Variants in ALOX5 observed in about 807,000 individuals in gnomAD.
ALOX5 encodes the protein polyunsaturated fatty acid 5-lipoxygenase.
ALOX5 carries 64 observed loss-of-function variants against 87.9 expected under a neutral mutation model. The ratio of observed to expected loss-of-function variants is 0.73; its 90% CI spans 0.60 to 0.90. The LOEUF (loss-of-function observed/expected upper bound fraction) is 0.90, where lower values mean the gene tolerates loss of function less well. Ranked by LOEUF, ALOX5 falls within the 40% of genes least tolerant of loss-of-function variation. The pLI is 0.00. For synonymous variants in ALOX5, 388 were observed against 355.1 expected (o/e 1.09, Z -1.04); for missense variants, 822 against 907.5 (o/e 0.91, Z 1.21).
At position 45,395,878 on chromosome 10, in the gene ALOX5, A is replaced by G. The variant is rs1379515213; in HGVS notation, c.373A>G (p.Ile125Val). ...AGCAAAGTTGGCCCGAGATGACCAA[A>G]TTCACATTCTCAAGCAACACCGACG... ...GRAKLARDDQ[I>V]HILKQHRRKE... The change falls in exon 3 of 14, where the codon ATT (isoleucine) becomes GTT (valine). Residue 125 changes from isoleucine (I) to valine (V), a missense_variant. Ile to Val is a conservative substitution (Grantham distance 29). Transcript: ENST00000374391. 4 of 1,614,130 alleles carry G rather than the reference A, an allele frequency of 2.5e-6. No individual in the cohort carries two copies. In the African/African-American group the frequency reaches 4.0e-5, roughly 16 times the overall value.
chr10:45,440,721 T>TG, intron 8 of ALOX5, 88 bp downstream of exon 8: 1 of 1,414,702 alleles, frequency 7.1e-7, no homozygotes, highest in Non-Finnish European at 9.7e-7. Context: ...GGGGGACCTG[T>TG]GGCTGGGAGT....
Position 45,442,437 on chromosome 10 carries a change from C to T in ALOX5, c.1273-601C>T, listed in dbSNP as rs181322611. ...CAGCACCCAAGTCCTTCTTCAAAACCTCTGTGGCACCGACAGCCCAGCCCC... is the reference window on the plus strand; with the variant it reads ...CAGCACCCAAGTCCTTCTTCAAAACTTCTGTGGCACCGACAGCCCAGCCCC... On this transcript the variant is annotated intron_variant, in intron 9 of 13. Coordinates refer to ENST00000374391, the MANE Select transcript of ALOX5 (RefSeq NM_000698.5). 1.7e-3 allele frequency among the ~76,000 whole-genome samples: 253 copies of T among 152,360 alleles called. 1 individual carries two copies. The highest frequency in any genetic ancestry group is 5.4e-3 in the African/African-American group (223 of 41,588).
intron 1 of ALOX5, among the ~76,000 whole-genome samples, chr10:45,379,347 C>G (rs1031692903): frequency 6.6e-5 from 10 of 152,308 alleles, no homozygotes; most frequent in South Asian, 4.1e-4. Context: ...ACACTCAGAC[C>G]AGGCCCGGGC....
chr10:45,443,324 G>T, intron 10 of ALOX5, 92 bp from the exon 11 acceptor site: 1 of 1,584,498 alleles, frequency 6.3e-7, no homozygotes, highest in Non-Finnish European at 8.6e-7. Flanking sequence ...GGACGGGGTG[G>T]GGGAGTCCCA....
Position 45,415,886 on chromosome 10 carries a change from A to G in ALOX5, c.554+3573A>G, listed in dbSNP as rs540524761. Among the ~76,000 whole-genome samples the G allele has an allele frequency of 3.3e-5, 5 of 152,246 alleles. No homozygotes were observed. In the South Asian group the frequency reaches 1.0e-3, roughly 32 times the overall value. On this transcript the variant is annotated intron_variant, in intron 4 of 13. Coordinates refer to ENST00000374391, the MANE Select transcript of ALOX5 (RefSeq NM_000698.5). Reference sequence around the variant, plus strand: ...TGTAGCTATCTTCGTTTCTTGCATCACTCAGCTTTCAGCTTAATTTTTCCC... The same window carrying G: ...TGTAGCTATCTTCGTTTCTTGCATCGCTCAGCTTTCAGCTTAATTTTTCCC...
chr10:45,385,492 AG>A (rs1207798502), intron 2 of ALOX5, among the ~76,000 whole-genome samples: 1 of 152,228 alleles, frequency 6.6e-6, no homozygotes, highest in Non-Finnish European at 1.5e-5. Context: ...CTTCGGGACC[AG>A]GGGAGACAGA....
intron 3 of ALOX5, among the ~76,000 whole-genome samples, chr10:45,396,989 A>T (rs990063051): frequency 6.6e-6 from 1 of 152,254 alleles, no homozygotes; most frequent in Non-Finnish European, 1.5e-5. Context: ...TTCAATAGAC[A>T]TACAAAAAAG....
chr10:45,401,350 T>C (rs1840692505), intron 3 of ALOX5, among the ~76,000 whole-genome samples: 1 of 152,182 alleles, frequency 6.6e-6, no homozygotes, highest in Admixed American at 6.5e-5. Context: ...TCTGGGTTGT[T>C]TTTTTAACTC....
At chr10:45,407,414 A>G (rs1357910110) in intron 3 of ALOX5, among the ~76,000 whole-genome samples, 9 of 149,772 alleles carry the variant, frequency 6.0e-5, no homozygotes, top group Non-Finnish European at 8.9e-5. Context: ...CCCCCCACCT[A>G]GGACTTGTCA....
At chr10:45,424,013 G>A (rs372401060) in intron 4 of ALOX5, 28 bp from the exon 5 acceptor site, 40 of 1,573,706 alleles carry the variant, frequency 2.5e-5, no homozygotes, top group Middle Eastern at 1.7e-4. Flanking sequence ...GCTAGTGTGC[G>A]CAAGGTGACC....
intron 4 of ALOX5, among the ~76,000 whole-genome samples, chr10:45,419,998 G>A (rs1230172604): frequency 6.6e-6 from 1 of 152,152 alleles, no homozygotes; most frequent in Non-Finnish European, 1.5e-5. Context: ...TTGTATATGG[G>A]AAGAAGACCA....
In ALOX5 at chr10:45,444,305, G is replaced by A; in HGVS notation, c.1845+19G>A. 6.5e-7 allele frequency: 1 copy of A among 1,543,192 alleles called. No individual in the cohort carries two copies. Among genetic ancestry groups the A allele is most frequent in the Non-Finnish European group, 8.8e-7 (1 of 1,142,206 alleles). ...AAACGAGGTGAAGCTGGGCAGGGCG[G>A]GGCACAGCCCCAGGTCACCCCAGGT... On this transcript the variant is annotated intron_variant, in intron 13 of 13. Transcript: ENST00000374391.
At chr10:45,394,459 G>A (rs201689628) in intron 2 of ALOX5, among the ~76,000 whole-genome samples, 14 of 152,272 alleles carry the variant, frequency 9.2e-5, no homozygotes, top group South Asian at 4.2e-4. Flanking sequence ...TTAATTCAAG[G>A]TGGATTAAAG....
At chr10:45,443,645 G>T in intron 11 of ALOX5, 83 bp from the exon 12 acceptor site, 1 of 1,592,924 alleles carries the variant, frequency 6.3e-7, no homozygotes, top group Admixed American at 1.8e-5. Context: ...CGGCCTTGGG[G>T]CAGGGAATCC....
intron 7 of ALOX5, among the ~76,000 whole-genome samples, chr10:45,432,464 T>C (rs561217853): frequency 1.3e-5 from 2 of 151,958 alleles, no homozygotes; most frequent in Non-Finnish European, 1.5e-5. Flanking sequence ...ACAGAGAGAA[T>C]TGGGGGACAG....
intron 4 of ALOX5, among the ~76,000 whole-genome samples, chr10:45,417,528 A>C (rs1357421229): frequency 6.6e-6 from 1 of 152,066 alleles, no homozygotes; most frequent in Non-Finnish European, 1.5e-5. Context: ...ATCTCTCCTG[A>C]GTGAGGGCAG....
rs759965933 is a variant in ALOX5, at chr10:45,374,273, C to T, written c.-7C>T. 4 of 1,472,284 alleles carry T rather than the reference C, an allele frequency of 2.7e-6. No homozygotes were observed. Among genetic ancestry groups the T allele is most frequent in the South Asian group, 2.6e-5 (2 of 76,372 alleles). The allele number at this position is 1,472,284 out of a possible 1,614,324, so 91.2% of individuals were successfully genotyped here. On this transcript the variant is annotated 5_prime_UTR_variant, in exon 1 of 14. Coordinates refer to ENST00000374391, the MANE Select transcript of ALOX5 (RefSeq NM_000698.5). ...TCCCGGCGCTCGCTGCTCCCGCGGC[C>T]CGCGCCATGCCCTCCTACACGGTCA... is the stretch of plus-strand genomic sequence containing the variant.
At chr10:45,442,125 A>C (rs1324547812) in intron 9 of ALOX5, among the ~76,000 whole-genome samples, 1 of 152,160 alleles carries the variant, frequency 6.6e-6, no homozygotes, top group Non-Finnish European at 1.5e-5. Context: ...GACACAATAG[A>C]GGGTCGGGGG....
intron 2 of ALOX5, among the ~76,000 whole-genome samples, chr10:45,385,320 G>C (rs1379615611): frequency 1.3e-5 from 2 of 152,266 alleles, no homozygotes; most frequent in African/African-American, 4.8e-5. Flanking sequence ...CATTACTGTG[G>C]CCCCACAGAT....
Sources: allele counts gnomAD v4.1 joint callset (sites outside exome capture counted in the v4.1 genomes callset), GRCh38; gene constraint gnomAD v4.1.1; transcripts MANE v1.5; gene names NCBI Gene and HGNC (gene_info 2026-07-23, HGNC 2026-07-21).